The following ASIC1 variants were observed in gnomAD, a reference collection of about 807,000 sequenced individuals.
ASIC1 encodes acid sensing ion channel subunit 1.
Under a neutral mutation model 63.4 loss-of-function variants are expected in ASIC1, and 21 were observed. That is an observed-to-expected ratio of 0.33 (90% CI 0.23 to 0.48). The LOEUF (loss-of-function observed/expected upper bound fraction) is 0.48. Among genes scored for constraint, ASIC1 ranks in the 20% least tolerant of loss-of-function variants. The pLI is 0.99. For synonymous variants in ASIC1, 258 were observed against 278.2 expected, an observed-to-expected ratio of 0.93 and a Z score of 0.72; for missense variants, 478 against 695.5, an observed-to-expected ratio of 0.69 and a Z score of 3.52.
intron 3 of ASIC1, among the ~76,000 whole-genome samples, chr12:50,069,403 C>T (rs945876804): frequency 2.6e-5 from 4 of 152,110 alleles, no homozygotes; most frequent in South Asian, 2.1e-4. Flanking sequence ...AAGCAAGTCT[C>T]ATGCCTCAGC....
intron 7 of ASIC1, among the ~76,000 whole-genome samples, chr12:50,079,361 C>G (rs573713407): frequency 1.6e-4 from 25 of 151,968 alleles, no homozygotes; most frequent in Non-Finnish European, 2.4e-4. Flanking sequence ...TGCAGTGAGC[C>G]GAGATTGCAC....
chr12:50,072,826 G>C (rs1025273796), intron 3 of ASIC1, among the ~76,000 whole-genome samples: 1 of 152,066 alleles, frequency 6.6e-6, no homozygotes, highest in Non-Finnish European at 1.5e-5. Context: ...GAGAGGAAAG[G>C]AACCAAAATA....
In ASIC1 at chr12:50,078,690, C is replaced by A; in HGVS notation, c.994+113C>A. The A allele has an allele frequency of 6.7e-7, 1 of 1,495,266 alleles. No homozygotes were observed. The highest frequency in any genetic ancestry group is 9.2e-7 in the Non-Finnish European group (1 of 1,091,844). The allele number at this position is 1,495,266 out of a possible 1,614,324, so 92.6% of individuals were successfully genotyped here. ...CCCAGTTCCAGCCCACCCCATCCCACACCCACCTGGCTCATGTCTCTCTGA... is the reference window on the plus strand; with the variant it reads ...CCCAGTTCCAGCCCACCCCATCCCAAACCCACCTGGCTCATGTCTCTCTGA... On this transcript the variant is annotated intron_variant, in intron 6 of 11. Transcript: ENST00000447966. This position sits in a 1 kb window ranked among gnomAD's most constrained non-coding sequence, Gnocchi z 6.0.
At position 50,078,290 on chromosome 12, in the gene ASIC1, C is replaced by G. The variant is rs1017086773; in HGVS notation, c.838-131C>G. ...AATGAACAAGAATGCTCTGTAAACT[C>G]TGAGACCTTTGGAGGCTGCAGAGGG... On this transcript the variant is annotated intron_variant, in intron 5 of 11. Transcript: ENST00000447966. The surrounding 1 kb of genome is among the most constrained non-coding windows in gnomAD (Gnocchi z 6.0). 1.2e-4 allele frequency: 186 copies of G among 1,512,986 alleles called. No individual in the cohort carries two copies. Among genetic ancestry groups the G allele is most frequent in the Non-Finnish European group, 1.6e-4 (182 of 1,119,490 alleles). 93.7% of individuals were successfully genotyped at this position (1,512,986 alleles called of 1,614,324 possible).
rs1336367061 is a variant in ASIC1 at position 50,079,986 on chromosome 12, T to C, written c.1136T>C (p.Val379Ala). Residue 379 changes from valine to alanine, a missense_variant, in exon 8 of 12, where the codon GTC (valine) becomes GCC (alanine). Around this residue, in one of 3 missense-constraint regions of ASIC1, gnomAD observed 84 missense variants for 183.5 expected, o/e 0.46. Coordinates refer to ENST00000447966, the MANE Select transcript of ASIC1 (RefSeq NM_001095.4). The part of the protein sequence containing the change: ...LTRYGKELSM[V>A]KIPSKASAKY... ...CGCTATGGCAAAGAGCTGTCCATGG[T>C]CAAGATCCCCAGCAAAGCCTCAGCC... 2.5e-6 allele frequency: 4 copies of C among 1,613,914 alleles called. No individual in the cohort carries two copies. In the Admixed American group the frequency reaches 6.7e-5, roughly 27 times the overall value.
chr12:50,076,618 G>C (rs1950657785), intron 3 of ASIC1: 1 of 181,114 alleles, frequency 5.5e-6, no homozygotes, highest in South Asian at 1.1e-4. Flanking sequence ...GGATCCTGGT[G>C]ATGAAAATGT....
intron 3 of ASIC1, among the ~76,000 whole-genome samples, chr12:50,062,624 G>A (rs757286310): frequency 4.6e-5 from 7 of 152,196 alleles, no homozygotes; most frequent in South Asian, 4.1e-4. Flanking sequence ...TATAGCGTGC[G>A]GGGGCACGTG....
rs1411272507 is a variant in ASIC1, at chr12:50,058,985, T to C, written c.219T>C (p.His73=). 4 of 1,614,064 alleles carry C rather than the reference T, an allele frequency of 2.5e-6. No homozygotes were observed. The South Asian group carries it at 3.3e-5, about 13-fold the overall frequency. The part of the protein sequence containing the change: ...ERVQYYFHYH[H]VTKLDEVAAS... ...TGCAGTACTACTTCCACTACCACCA[T>C]GTCACCAAGCTCGACGAGGTGGCTG... The change falls in exon 2 of 12, where the codon CAT becomes CAC. Residue 73 remains histidine (H), a synonymous_variant. Transcript: ENST00000447966.
intron 3 of ASIC1, among the ~76,000 whole-genome samples, chr12:50,070,349 C>A (rs1424185134): frequency 1.3e-5 from 2 of 151,828 alleles, no homozygotes; most frequent in East Asian, 3.9e-4. Context: ...AGAGGACATG[C>A]AGTTGGGTGT....
intron 3 of ASIC1, among the ~76,000 whole-genome samples, chr12:50,065,938 C>T (rs1950541159): frequency 6.6e-6 from 1 of 152,220 alleles, no homozygotes; most frequent in African/African-American, 2.4e-5. Flanking sequence ...ACAACACCCT[C>T]ATCACATATG....
Position 50,058,811 on chromosome 12 carries a change from G to A in ASIC1, c.45G>A (p.Pro15=), listed in dbSNP as rs760156855. The part of the protein sequence containing the change: ...AEEEEVGGVQ[P]VSIQAFASSS... ...AGGAGGAGGTGGGTGGCGTCCAGCC[G>A]GTGAGCATCCAGGCCTTCGCCAGCA... Residue 15 remains proline, a synonymous_variant, in exon 2 of 12, where the codon CCG becomes CCA. Coordinates refer to ENST00000447966, the MANE Select transcript of ASIC1 (RefSeq NM_001095.4). 43 of 1,603,130 alleles carry A rather than the reference G, an allele frequency of 2.7e-5. No homozygotes were observed. The highest frequency in any genetic ancestry group is 3.3e-4 in the Middle Eastern group (2 of 6,018).
intron 7 of ASIC1, 79 bp downstream of exon 7, chr12:50,079,059 C>G (rs8192444): frequency 9.9e-6 from 14 of 1,407,488 alleles, no homozygotes; most frequent in African/African-American, 1.4e-5. Flanking sequence ...TCAGGTCACG[C>G]TCCCAGAAGC....
At position 50,074,860 on chromosome 12, in the gene ASIC1, CTGTGTGTG is replaced by C. The variant is rs376276861; in HGVS notation, c.559-2313_559-2306del. Among the ~76,000 whole-genome samples, 3,237 of 141,464 alleles carry C rather than the reference CTGTGTGTG, an allele frequency of 0.023. 56 individuals carry two copies. Among genetic ancestry groups the C allele is most frequent in the African/African-American group, 0.039 (1,477 of 37,588 alleles). 92.8% of individuals were successfully genotyped at this position (141,464 alleles called of 152,430 possible). ...TATGGACGCCCCACCCCCACCAGCT[CTGTGTGTG>C]TGTGTGTGTGTGTGTGTGTGTGTGT... On this transcript the variant is annotated intron_variant, in intron 3 of 11. Coordinates refer to ENST00000447966, the MANE Select transcript of ASIC1 (RefSeq NM_001095.4). This position sits in a 1 kb window ranked among gnomAD's most constrained non-coding sequence, Gnocchi z 4.2.
chr12:50,069,681 C>T (rs1273321597), intron 3 of ASIC1, among the ~76,000 whole-genome samples: 2 of 152,024 alleles, frequency 1.3e-5, no homozygotes, highest in African/African-American at 4.8e-5. Flanking sequence ...GTCCCTCTGT[C>T]ATTCACTCTG....
chr12:50,077,492 T>C, intron 4 of ASIC1, 129 bp downstream of exon 4: 3 of 1,310,620 alleles, frequency 2.3e-6, no homozygotes, highest in Non-Finnish European at 2.1e-6. Context: ...CATCTCACCA[T>C]CTCTATCACT....
intron 3 of ASIC1, among the ~76,000 whole-genome samples, chr12:50,071,443 GT>G (rs534549679): frequency 3.4e-4 from 48 of 141,396 alleles, no homozygotes; most frequent in South Asian, 9.1e-4. Context: ...AATTTTTTTG[GT>G]TTTTTTTTTT....
At chr12:50,062,637 G>A (rs759595066) in intron 3 of ASIC1, among the ~76,000 whole-genome samples, 1 of 152,150 alleles carries the variant, frequency 6.6e-6, no homozygotes. Context: ...GGCACGTGTG[G>A]ACTCTTTTGT....
chr12:50,072,825 G>A (rs1479398216), intron 3 of ASIC1, among the ~76,000 whole-genome samples: 1 of 152,126 alleles, frequency 6.6e-6, no homozygotes, highest in East Asian at 1.9e-4. Flanking sequence ...GGAGAGGAAA[G>A]GAACCAAAAT....
At chr12:50,080,110 T>G in intron 8 of ASIC1, 55 bp downstream of exon 8, 1 of 1,550,640 alleles carries the variant, frequency 6.4e-7, no homozygotes. Context: ...GTGGAATGGA[T>G]GAGTGGGGTT....
Sources: gnomAD v4.1 joint callset for allele counts (sites outside exome capture counted in the v4.1 genomes callset) on GRCh38, gnomAD v4.1.1 for gene constraint, gnomAD v4.1.1 regional missense constraint, Gnocchi (gnomAD v3.1) non-coding constraint, MANE v1.5 for transcripts, NCBI Gene and HGNC (gene_info 2026-07-23, HGNC 2026-07-21) for gene names.